Variants in HRH2 observed in about 807,000 individuals in gnomAD.
HRH2 encodes the protein histamine H2 receptor.
Under a neutral mutation model 20.1 loss-of-function variants are expected in HRH2, and 4 were observed. The ratio of observed to expected loss-of-function variants is 0.20; its 90% confidence interval spans 0.10 to 0.45. The LOEUF (loss-of-function observed/expected upper bound fraction) is 0.45. HRH2 is among the 20% of genes least tolerant of loss of function. HRH2 has a pLI of 0.99. For missense variants in HRH2, 250 were observed against 461.6 expected, an observed-to-expected ratio of 0.54 and a Z score of 4.20; for synonymous variants, 197 against 200.7, an observed-to-expected ratio of 0.98 and a Z score of 0.16.
chr5:175,691,450 C>T, intron 2 of HRH2: 1 of 139,860 alleles, frequency 7.2e-6, no homozygotes, highest in Non-Finnish European at 1.6e-5. Context: ...TTCCTCTCCC[C>T]TGCCCTGCCC....
chr5:175,694,411 A>C (rs1756495549), intron 2 of HRH2, among the ~76,000 whole-genome samples: 1 of 151,906 alleles, frequency 6.6e-6, no homozygotes, highest in African/African-American at 2.4e-5. Context: ...CTGTCTTGTC[A>C]GCTTCTCTAT....
intron 1 of HRH2, among the ~76,000 whole-genome samples, chr5:175,671,238 T>A (rs2113489574): frequency 6.6e-6 from 1 of 152,338 alleles, no homozygotes; most frequent in African/African-American, 2.4e-5. Flanking sequence ...GGGCACCGCA[T>A]GGGCTTGGTT....
Position 175,683,746 on chromosome 5 carries a change from C to T in HRH2, c.513C>T (p.Thr171=). 1 of 1,614,218 alleles carries T rather than the reference C, an allele frequency of 6.2e-7. No individual in the cohort carries two copies. Among genetic ancestry groups the T allele is most frequent in the Non-Finnish European group, 8.5e-7 (1 of 1,180,048 alleles). Residue 171 remains threonine (T), a synonymous_variant, in exon 2 of 3, where the codon ACC becomes ACT. Coordinates refer to ENST00000636584, the MANE Select transcript of HRH2 (RefSeq NM_001367711.1). ...RNETSKGNHT[T]SKCKVQVNEV... is the part of the protein sequence containing the mutation. The stretch of plus-strand genomic sequence containing the variant: ...AGACCAGCAAGGGCAATCATACCAC[C>T]TCTAAGTGCAAAGTCCAGGTCAATG...
chr5:175,702,955 A>G (rs907862943), intron 2 of HRH2, among the ~76,000 whole-genome samples: 2 of 152,160 alleles, frequency 1.3e-5, no homozygotes, highest in Non-Finnish European at 2.9e-5. Flanking sequence ...ATTTGTATGT[A>G]CCAAATAACC....
intron 2 of HRH2, chr5:175,685,804 C>T (rs373226222): frequency 5.3e-5 from 20 of 376,652 alleles, no homozygotes; most frequent in East Asian, 4.6e-4. Flanking sequence ...CACGCTGGAG[C>T]GCTGAGCATC....
At chr5:175,662,417 C>T (rs1351258823) in intron 1 of HRH2, among the ~76,000 whole-genome samples, 1 of 152,128 alleles carries the variant, frequency 6.6e-6, no homozygotes, top group Non-Finnish European at 1.5e-5. Context: ...GCCCTCATAA[C>T]AAAAAATTAT....
intron 2 of HRH2, among the ~76,000 whole-genome samples, chr5:175,699,503 T>C (rs1756723735): frequency 6.6e-6 from 1 of 152,178 alleles, no homozygotes; most frequent in South Asian, 2.1e-4. Context: ...TGGGGTTTCT[T>C]GTGTGTTGTT....
At chr5:175,695,996 G>T (rs1193433036) in intron 2 of HRH2, among the ~76,000 whole-genome samples, 1 of 152,250 alleles carries the variant, frequency 6.6e-6, no homozygotes. Context: ...GCTCTGCCAG[G>T]CACTGCTAAA....
chr5:175,685,135 A>G (rs547116690), intron 2 of HRH2, among the ~76,000 whole-genome samples: 1 of 152,250 alleles, frequency 6.6e-6, no homozygotes, highest in Admixed American at 6.5e-5. Flanking sequence ...GCAAGGGAGG[A>G]CAACAGGATT....
chr5:175,692,390 C>T (rs1027279033), intron 2 of HRH2, among the ~76,000 whole-genome samples: 1 of 152,240 alleles, frequency 6.6e-6, no homozygotes, highest in Non-Finnish European at 1.5e-5. Flanking sequence ...CTATCATTTG[C>T]CAACCCTGGC....
At chr5:175,672,039 G>T (rs1755564828) in intron 1 of HRH2, among the ~76,000 whole-genome samples, 1 of 152,110 alleles carries the variant, frequency 6.6e-6, no homozygotes, top group South Asian at 2.1e-4. Flanking sequence ...ACTATGGAGG[G>T]CTCATGATTC....
intron 2 of HRH2, among the ~76,000 whole-genome samples, chr5:175,696,605 C>A (rs1349539114): frequency 6.6e-6 from 1 of 152,182 alleles, no homozygotes; most frequent in Non-Finnish European, 1.5e-5. Context: ...CACACTCTTG[C>A]GGTTTTATTG....
At chr5:175,690,533 GTC>G (rs1261227519) in intron 2 of HRH2, among the ~76,000 whole-genome samples, 4 of 150,756 alleles carry the variant, frequency 2.7e-5, no homozygotes, top group Admixed American at 2.0e-4. Context: ...TCTTGTTCCT[GTC>G]TGTCTGCCTG....
At chr5:175,671,058 G>A (rs1419580828) in intron 1 of HRH2, among the ~76,000 whole-genome samples, 1 of 152,240 alleles carries the variant, frequency 6.6e-6, no homozygotes, top group African/African-American at 2.4e-5. Context: ...TGCCAAGAAT[G>A]TATAACCAGA....
rs1022803661 is a variant in HRH2, at chr5:175,693,481, G to A, written c.1076+9172G>A. ...GGGCCTCACAGACGGGACGTCGCAG[G>A]TCCATGGAGGACACTCAGTCCCTCC... On this transcript the variant is annotated intron_variant, in intron 2 of 2. Transcript: ENST00000636584. This position sits in a 1 kb window ranked among gnomAD's most constrained non-coding sequence, Gnocchi z 4.4. Among the ~76,000 whole-genome samples the A allele has an allele frequency of 6.6e-6, 1 of 152,190 alleles. No individual in the cohort carries two copies. The highest frequency in any genetic ancestry group is 1.5e-5 in the Non-Finnish European group (1 of 68,028).
chr5:175,687,791 A>G lies in HRH2; in HGVS notation c.1076+3482A>G, dbSNP rs1262173976. Among the ~76,000 whole-genome samples the G allele has an allele frequency of 6.6e-6, 1 of 152,094 alleles. No individual in the cohort carries two copies. Among genetic ancestry groups the G allele is most frequent in the African/African-American group, 2.4e-5 (1 of 41,412 alleles). ...CTCCCTAAATTATGAATCTCAGTGT[A>G]GTGCCCCTGCTCAGGACCCTCCTCT... On this transcript the variant is annotated intron_variant, in intron 2 of 2. Transcript: ENST00000636584. The surrounding 1 kb of genome is among the most constrained non-coding windows in gnomAD (Gnocchi z 5.2).
At chr5:175,666,475 G>A (rs1229528560) in intron 1 of HRH2, among the ~76,000 whole-genome samples, 1 of 152,178 alleles carries the variant, frequency 6.6e-6, no homozygotes, top group African/African-American at 2.4e-5. Context: ...CACTGAGGCT[G>A]GAGTGCAGTG....
chr5:175,693,468 C>T lies in HRH2; in HGVS notation c.1076+9159C>T, dbSNP rs998123796. Among the ~76,000 whole-genome samples the T allele has an allele frequency of 6.6e-5, 10 of 152,170 alleles. No homozygotes were observed. The highest frequency in any genetic ancestry group is 1.4e-4 in the African/African-American group (6 of 41,446). On this transcript the variant is annotated intron_variant, in intron 2 of 2. Transcript: ENST00000636584. This position sits in a 1 kb window ranked among gnomAD's most constrained non-coding sequence, Gnocchi z 4.4. ...CAGAAAGTAGCGAGGGCCTCACAGACGGGACGTCGCAGGTCCATGGAGGAC... is the reference window on the plus strand; with the variant it reads ...CAGAAAGTAGCGAGGGCCTCACAGATGGGACGTCGCAGGTCCATGGAGGAC...
chr5:175,694,759 T>A (rs1208988958), intron 2 of HRH2, among the ~76,000 whole-genome samples: 1 of 152,192 alleles, frequency 6.6e-6, no homozygotes, highest in African/African-American at 2.4e-5. Flanking sequence ...ATAGCCTCTG[T>A]GCTTTCAGAC....
Sources: gnomAD v4.1 joint callset for allele counts (sites outside exome capture counted in the v4.1 genomes callset) on GRCh38, gnomAD v4.1.1 for gene constraint, Gnocchi (gnomAD v3.1) non-coding constraint, MANE v1.5 for transcripts, NCBI Gene and HGNC (gene_info 2026-07-23, HGNC 2026-07-21) for gene names.